CENPW: variants seen among roughly 807,000 people sequenced by gnomAD.
CENPW encodes cancer-up-regulated gene 2 protein.
A neutral mutation model predicts 11.1 loss-of-function variants in CENPW; 3 were observed. The ratio of observed to expected loss-of-function variants is 0.27; its 90% CI spans 0.12 to 0.70. The LOEUF (loss-of-function observed/expected upper bound fraction) is 0.70. Ranked by LOEUF, CENPW falls within the 30% of genes least tolerant of loss-of-function variation. The pLI, the probability that CENPW is intolerant of heterozygous loss-of-function variation, is 0.77. For missense variants in CENPW, 100 were observed against 105.6 expected (o/e 0.95, Z 0.23); for synonymous variants, 38 against 42.0 (o/e 0.91, Z 0.37).
chr6:126,385,226 T>G, the CENPW span, among the ~76,000 whole-genome samples: 1 of 152,128 alleles, frequency 6.6e-6, no homozygotes, highest in Non-Finnish European at 1.5e-5. Flanking sequence ...AAAACAGAAC[T>G]ACCATTCAAC....
chr6:126,372,839 C>T, the CENPW span, among the ~76,000 whole-genome samples: 1 of 152,244 alleles, frequency 6.6e-6, no homozygotes, highest in South Asian at 2.1e-4. Context: ...CATTTCATTG[C>T]TACTCACATA....
the CENPW span, among the ~76,000 whole-genome samples, chr6:126,462,270 C>T: frequency 6.6e-6 from 1 of 151,898 alleles, no homozygotes; most frequent in African/African-American, 2.4e-5. Flanking sequence ...GGACAGCTTT[C>T]TAGTGTTCCT....
chr6:126,476,802 C>T, the CENPW span, among the ~76,000 whole-genome samples: 191 of 151,882 alleles, frequency 1.3e-3, 1 homozygote, highest in East Asian at 0.015. Context: ...TTGTAGCTGT[C>T]CTTCTATATC....
intron 2 of CENPW, among the ~76,000 whole-genome samples, chr6:126,348,173 C>T (rs1395551623): frequency 6.6e-6 from 1 of 151,812 alleles, no homozygotes; most frequent in Non-Finnish European, 1.5e-5. Context: ...TTAATCTGGA[C>T]ACTTTTGGTT....
At chr6:126,437,008 G>T in the CENPW span, among the ~76,000 whole-genome samples, 1 of 151,602 alleles carries the variant, frequency 6.6e-6, no homozygotes, top group Non-Finnish European at 1.5e-5. Context: ...GTCTATAATG[G>T]GCATTGAAGC....
chr6:126,469,831 G>C, the CENPW span, among the ~76,000 whole-genome samples: 1 of 152,188 alleles, frequency 6.6e-6, no homozygotes, highest in African/African-American at 2.4e-5. Flanking sequence ...GAACTTGAGG[G>C]AGGTGATTTA....
chr6:126,413,683 G>C, the CENPW span, among the ~76,000 whole-genome samples: 1 of 151,352 alleles, frequency 6.6e-6, no homozygotes, highest in Non-Finnish European at 1.5e-5. Flanking sequence ...AAAAGAAAAG[G>C]ACAAGAGAAT....
chr6:126,412,848 C>T, the CENPW span, among the ~76,000 whole-genome samples: 1 of 152,056 alleles, frequency 6.6e-6, no homozygotes, highest in Admixed American at 6.6e-5. Flanking sequence ...TGTTGAGCCC[C>T]TCTAGTCAGT....
At chr6:126,448,221 C>T in the CENPW span, among the ~76,000 whole-genome samples, 1 of 151,098 alleles carries the variant, frequency 6.6e-6, no homozygotes. Flanking sequence ...ATCAGGATCT[C>T]TAGCGGTGCA....
At chr6:126,368,913 A>G in the CENPW span, among the ~76,000 whole-genome samples, 4 of 151,770 alleles carry the variant, frequency 2.6e-5, no homozygotes, top group Non-Finnish European at 5.9e-5. Flanking sequence ...CAAAGTCCCA[A>G]TGTGTAGTCT....
chr6:126,397,686 C>T, the CENPW span, among the ~76,000 whole-genome samples: 3 of 152,102 alleles, frequency 2.0e-5, no homozygotes, highest in South Asian at 2.1e-4. Flanking sequence ...TTTACAAATA[C>T]ACACATGCTT....
chr6:126,428,831 G>A, the CENPW span, among the ~76,000 whole-genome samples: 2 of 152,094 alleles, frequency 1.3e-5, no homozygotes, highest in Non-Finnish European at 1.5e-5. Flanking sequence ...AAAATCATAT[G>A]TGCTCATTTT....
the CENPW span, among the ~76,000 whole-genome samples, chr6:126,375,281 A>G: frequency 6.6e-6 from 1 of 152,206 alleles, no homozygotes; most frequent in African/African-American, 2.4e-5. Flanking sequence ...AGGCCAGATA[A>G]TATGTGCACT....
At chr6:126,352,556 A>G (rs1031546307), downstream of CENPW, among the ~76,000 whole-genome samples, 3 of 152,086 alleles carry the variant, frequency 2.0e-5, no homozygotes, top group African/African-American at 7.2e-5. Flanking sequence ...TTTTGAAGGA[A>G]TCTACCTTAC....
the CENPW span, among the ~76,000 whole-genome samples, chr6:126,460,613 T>C: frequency 1.3e-5 from 2 of 151,772 alleles, no homozygotes; most frequent in Non-Finnish European, 2.9e-5. Context: ...TACTTACTAG[T>C]GTTAACGAAA....
chr6:126,368,583 T>G, the CENPW span, among the ~76,000 whole-genome samples: 1 of 151,970 alleles, frequency 6.6e-6, no homozygotes, highest in Admixed American at 6.6e-5. Flanking sequence ...AATAAATTCT[T>G]TAGTGGTGAT....
At chr6:126,375,071 A>C in the CENPW span, among the ~76,000 whole-genome samples, 11 of 152,312 alleles carry the variant, frequency 7.2e-5, no homozygotes, top group African/African-American at 2.4e-4. Context: ...GCAGACATTT[A>C]TTGAGTTTTA....
At chr6:126,363,799 T>C in the CENPW span, among the ~76,000 whole-genome samples, 1 of 152,216 alleles carries the variant, frequency 6.6e-6, no homozygotes, top group Non-Finnish European at 1.5e-5. Context: ...CTCAAATTTG[T>C]TAAGATTTTT....
chr6:126,442,322 T>C, the CENPW span, among the ~76,000 whole-genome samples: 14 of 151,552 alleles, frequency 9.2e-5, no homozygotes, highest in African/African-American at 3.1e-4. Flanking sequence ...CTTGCTGATT[T>C]GTTTTAGTTC....
Sources: gnomAD v4.1 joint callset for allele counts (sites outside exome capture counted in the v4.1 genomes callset) on GRCh38, gnomAD v4.1.1 for gene constraint, MANE v1.5 for transcripts, NCBI Gene and HGNC (gene_info 2026-07-23, HGNC 2026-07-21) for gene names.